ZNF462: variants seen among roughly 807,000 people sequenced by gnomAD.
ZNF462 encodes zinc finger protein 462, also known as zinc finger PBX1-interacting protein.
Under a neutral mutation model 201.9 loss-of-function variants are expected in ZNF462, and 10 were observed. That is an observed-to-expected ratio of 0.05 (90% CI 0.03 to 0.08). ZNF462 has a LOEUF of 0.08. ZNF462 is among the 10% of genes least tolerant of loss of function. The pLI is 1.00. For missense variants in ZNF462, 2,523 were observed against 3,168.3 expected, an observed-to-expected ratio of 0.80 and a Z score of 4.89; for synonymous variants, 1,227 against 1,193.3, an observed-to-expected ratio of 1.03 and a Z score of -0.58.
intron 10 of ZNF462, among the ~76,000 whole-genome samples, chr9:106,985,290 G>T (rs1238675791): frequency 2.0e-5 from 3 of 152,056 alleles, no homozygotes; most frequent in Non-Finnish European, 4.4e-5. Context: ...ATTTGTCAAG[G>T]CATTACCCAG....
intron 1 of ZNF462, among the ~76,000 whole-genome samples, chr9:106,906,961 T>C (rs978238987): frequency 6.6e-6 from 1 of 152,194 alleles, no homozygotes; most frequent in African/African-American, 2.4e-5. Flanking sequence ...CCTTGTCTGG[T>C]TTTTTACTTT....
At position 107,003,394 on chromosome 9, in the gene ZNF462, A is replaced by G. The variant is rs1264648698; in HGVS notation, c.7157A>G (p.Glu2386Gly). Residue 2386 changes from glutamate (E) to glycine (G), a missense_variant, in exon 11 of 13, where the codon GAA becomes GGA. By Grantham distance (98) the Glu-to-Gly change is moderately conservative. Around this residue, in one of 15 missense-constraint regions of ZNF462, gnomAD observed 228 missense variants for 361.2 expected, o/e 0.63. Coordinates refer to ENST00000277225, the MANE Select transcript of ZNF462 (RefSeq NM_021224.6). The surrounding 1 kb of genome is among the most constrained non-coding windows in gnomAD (Gnocchi z 4.4). ...TCCAGCAGCGATGATGAGGACAAGG[A>G]AGAAGAAATGAACAGCAAGGCTGAA... ...ESSSSDDEDK[E>G]EEMNSKAEDR... The G allele has an allele frequency of 6.2e-7, 1 of 1,613,832 alleles. No individual in the cohort carries two copies.
At chr9:106,997,408 G>A (rs1487167142) in intron 10 of ZNF462, among the ~76,000 whole-genome samples, 2 of 152,148 alleles carry the variant, frequency 1.3e-5, no homozygotes, top group Non-Finnish European at 2.9e-5. Context: ...CAATAGAATA[G>A]CCAAGACATG....
At chr9:106,967,609 A>T (rs1403751659) in intron 7 of ZNF462, among the ~76,000 whole-genome samples, 2 of 152,132 alleles carry the variant, frequency 1.3e-5, no homozygotes, top group East Asian at 3.9e-4. Flanking sequence ...GAGCTGTTCA[A>T]GAGCCACGAA....
intron 7 of ZNF462, among the ~76,000 whole-genome samples, chr9:106,964,008 CGTGTGTGTGTGTGT>C (rs111450825): frequency 1.1e-4 from 16 of 146,748 alleles, no homozygotes; most frequent in African/African-American, 3.7e-4. Context: ...AAATAATATT[CGTGTGTGTGTGTGT>C]GTGTGTGTGT....
chr9:106,865,381 G>A lies in ZNF462; in HGVS notation c.-31+2026G>A, dbSNP rs1827286074. Among the ~76,000 whole-genome samples the A allele has an allele frequency of 1.3e-5, 2 of 152,246 alleles. No homozygotes were observed. Among genetic ancestry groups the A allele is most frequent in the Admixed American group, 6.5e-5 (1 of 15,298 alleles). On this transcript the variant is annotated intron_variant, in intron 1 of 12. Coordinates refer to ENST00000277225, the MANE Select transcript of ZNF462 (RefSeq NM_021224.6). The surrounding 1 kb of genome is among the most constrained non-coding windows in gnomAD (Gnocchi z 4.1). ...CTTGTGAAGATGGTGATGGCCCTAA[G>A]CTGAGATTTTTTTGAGTTCTAGGGT...
intron 6 of ZNF462, among the ~76,000 whole-genome samples, chr9:106,936,770 C>T (rs372662333): frequency 7.2e-5 from 11 of 152,248 alleles, no homozygotes; most frequent in African/African-American, 1.7e-4. Flanking sequence ...CTTTTACCAG[C>T]GAGAGCTGGG....
At position 106,961,953 on chromosome 9, in the gene ZNF462, C is replaced by G. The variant is rs960253955; in HGVS notation, c.6428-10052C>G. ...AGGCATAAAAAGTGAATATTAGAAG[C>G]CTTGTATGTGACTGGCATTAAGCAC... On this transcript the variant is annotated intron_variant, in intron 7 of 12. Coordinates refer to ENST00000277225, the MANE Select transcript of ZNF462 (RefSeq NM_021224.6). Among the ~76,000 whole-genome samples the G allele has an allele frequency of 2.0e-5, 3 of 151,966 alleles. No homozygotes were observed. The East Asian group carries it at 5.8e-4, about 29-fold the overall frequency.
chr9:106,912,140 G>A (rs1829576334), intron 1 of ZNF462, among the ~76,000 whole-genome samples: 1 of 152,130 alleles, frequency 6.6e-6, no homozygotes, highest in South Asian at 2.1e-4. Flanking sequence ...CGTTCAGCTA[G>A]CCTCTTCAGT....
intron 10 of ZNF462, among the ~76,000 whole-genome samples, chr9:106,986,718 C>G (rs1827858103): frequency 6.6e-6 from 1 of 152,062 alleles, no homozygotes; most frequent in African/African-American, 2.4e-5. Flanking sequence ...ACCCATCACC[C>G]CAGCAGTATA....
At position 106,865,882 on chromosome 9, in the gene ZNF462, T is replaced by C. The variant is rs1013830937; in HGVS notation, c.-31+2527T>C. Among the ~76,000 whole-genome samples the C allele has an allele frequency of 7.2e-5, 11 of 152,100 alleles. No individual in the cohort carries two copies. The highest frequency in any genetic ancestry group is 2.7e-4 in the African/African-American group (11 of 41,394). ...TTGATGGGAGCTCTTCACATATTAG[T>C]TTTAGAGAATGTACATAATTGACCC... On this transcript the variant is annotated intron_variant, in intron 1 of 12. Transcript: ENST00000277225. This position sits in a 1 kb window ranked among gnomAD's most constrained non-coding sequence, Gnocchi z 4.1.
Position 106,865,536 on chromosome 9 carries a change from G to A in ZNF462, c.-31+2181G>A, listed in dbSNP as rs1413592157. 6.6e-6 allele frequency among the ~76,000 whole-genome samples: 1 copy of A among 152,210 alleles called. No individual in the cohort carries two copies. The highest frequency in any genetic ancestry group is 1.5e-5 in the Non-Finnish European group (1 of 68,032). Reference sequence around the variant, plus strand: ...GGAACTCTAAGACTGGCTAACACCAGTTTCTCCAGGTTCTCCATTTCTCTT... The same window carrying A: ...GGAACTCTAAGACTGGCTAACACCAATTTCTCCAGGTTCTCCATTTCTCTT... On this transcript the variant is annotated intron_variant, in intron 1 of 12. Coordinates refer to ENST00000277225, the MANE Select transcript of ZNF462 (RefSeq NM_021224.6). This position sits in a 1 kb window ranked among gnomAD's most constrained non-coding sequence, Gnocchi z 4.1.
chr9:106,937,017 G>A (rs1159840229), intron 6 of ZNF462, among the ~76,000 whole-genome samples: 2 of 152,132 alleles, frequency 1.3e-5, no homozygotes, highest in Non-Finnish European at 2.9e-5. Context: ...TGACTGAGTG[G>A]GGCTTGGCTT....
intron 9 of ZNF462, among the ~76,000 whole-genome samples, chr9:106,976,833 T>C (rs1288976658): frequency 6.6e-6 from 1 of 152,124 alleles, no homozygotes; most frequent in Non-Finnish European, 1.5e-5. Context: ...TTATCCCCCA[T>C]GATGAGGAAA....
At chr9:106,951,029 G>A (rs1831321730) in intron 7 of ZNF462, among the ~76,000 whole-genome samples, 1 of 151,786 alleles carries the variant, frequency 6.6e-6, no homozygotes, top group Non-Finnish European at 1.5e-5. Context: ...GACAGAGGTT[G>A]CAGTGAGCCG....
chr9:106,977,571 A>T lies in ZNF462; in HGVS notation c.6832+3298A>T, dbSNP rs1410469027. On this transcript the variant is annotated intron_variant, in intron 9 of 12. Coordinates refer to ENST00000277225, the MANE Select transcript of ZNF462 (RefSeq NM_021224.6). The surrounding 1 kb of genome is among the most constrained non-coding windows in gnomAD (Gnocchi z 4.6). ...GAGTATGATGTTTACTCATGTGTTC[A>T]GCAAACATTCATTATTTGCTTGTTA... is the stretch of plus-strand genomic sequence containing the variant. Among the ~76,000 whole-genome samples the T allele has an allele frequency of 6.6e-6, 1 of 151,692 alleles. No individual in the cohort carries two copies. Among genetic ancestry groups the T allele is most frequent in the Non-Finnish European group, 1.5e-5 (1 of 68,038 alleles).
rs1826679700 is a variant in ZNF462, at chr9:106,972,577, G to C, written c.6695+305G>C. On this transcript the variant is annotated intron_variant, in intron 8 of 12. Coordinates refer to ENST00000277225, the MANE Select transcript of ZNF462 (RefSeq NM_021224.6). This position sits in a 1 kb window ranked among gnomAD's most constrained non-coding sequence, Gnocchi z 4.8. ...ATGCGTGGAGTGGTGTTTCCCTTCA[G>C]AGAACTGTCTCCTCTCCTTTTTTTA... Among the ~76,000 whole-genome samples, 1 of 152,188 alleles carries C rather than the reference G, an allele frequency of 6.6e-6. No homozygotes were observed. The highest frequency in any genetic ancestry group is 1.5e-5 in the Non-Finnish European group (1 of 68,026).
chr9:106,903,258 T>C (rs1203663854), intron 1 of ZNF462, among the ~76,000 whole-genome samples: 1 of 152,206 alleles, frequency 6.6e-6, no homozygotes, highest in Non-Finnish European at 1.5e-5. Flanking sequence ...TTGGAATTGC[T>C]TTCCAGTTTT....
intron 1 of ZNF462, among the ~76,000 whole-genome samples, chr9:106,881,420 A>G (rs910954200): frequency 1.3e-5 from 2 of 152,156 alleles, no homozygotes; most frequent in African/African-American, 4.8e-5. Context: ...CCTTGAGGGA[A>G]TGATTTAATC....
Sources: allele counts gnomAD v4.1 joint callset (sites outside exome capture counted in the v4.1 genomes callset), GRCh38; gene constraint gnomAD v4.1.1; regional missense constraint gnomAD v4.1.1; non-coding constraint Gnocchi (gnomAD v3.1); transcripts MANE v1.5; gene names NCBI Gene and HGNC (gene_info 2026-07-23, HGNC 2026-07-21).